TRIM26: variants seen among roughly 807,000 people sequenced by gnomAD.
TRIM26 encodes tripartite motif containing 26.
A neutral mutation model predicts 45.5 loss-of-function variants in TRIM26; 16 were observed. The observed-to-expected ratio is 0.35, with a 90% CI of 0.24 to 0.53. The LOEUF is 0.53. Among genes scored for constraint, TRIM26 ranks in the 20% least tolerant of loss-of-function variants. TRIM26 has a pLI of 0.92. For synonymous variants in TRIM26, 273 were observed against 290.4 expected, an observed-to-expected ratio of 0.94 and a Z score of 0.61; for missense variants, 442 against 691.1, an observed-to-expected ratio of 0.64 and a Z score of 4.04.
chr6:30,189,245 T>C lies in TRIM26; in HGVS notation c.905-46A>G, dbSNP rs746561897. ...CAATGACTCAAGTCCCGAAAATTTA[T>C]GAGCCCATTTCTTGCTCGGGCAGTA... On this transcript the variant is annotated intron_variant, in intron 8 of 9. Coordinates refer to ENST00000454678, the MANE Select transcript of TRIM26 (RefSeq NM_003449.5). This position sits in a 1 kb window ranked among gnomAD's most constrained non-coding sequence, Gnocchi z 5.0. The C allele has an allele frequency of 3.1e-6, 5 of 1,612,784 alleles. No individual in the cohort carries two copies. The highest frequency in any genetic ancestry group is 4.2e-6 in the Non-Finnish European group (5 of 1,179,788).
Position 30,196,830 on chromosome 6 carries a change from G to T in TRIM26, c.535-84C>A. On this transcript the variant is annotated intron_variant, in intron 5 of 9. Coordinates refer to ENST00000454678, the MANE Select transcript of TRIM26 (RefSeq NM_003449.5). The surrounding 1 kb of genome is among the most constrained non-coding windows in gnomAD (Gnocchi z 4.9). Reference sequence around the variant, plus strand: ...TGCTGGAGGTGTGCAAGGCTGGCTCGTTCACCTCGCTACCCCCGTTCAGGA... The same window carrying T: ...TGCTGGAGGTGTGCAAGGCTGGCTCTTTCACCTCGCTACCCCCGTTCAGGA... The T allele has an allele frequency of 7.3e-7, 1 of 1,365,412 alleles. No homozygotes were observed. The highest frequency in any genetic ancestry group is 1.0e-6 in the Non-Finnish European group (1 of 976,826). The allele number at this position is 1,365,412 out of a possible 1,614,324, so 84.6% of individuals were successfully genotyped here. A position where few individuals can be genotyped will look rare whatever the true frequency, so the allele number is the denominator to read the frequency against.
intron 1 of TRIM26, among the ~76,000 whole-genome samples, chr6:30,210,034 G>C (rs1398087865): frequency 6.6e-6 from 1 of 151,558 alleles, no homozygotes; most frequent in Non-Finnish European, 1.5e-5. Context: ...GTGAAACCCA[G>C]CCTCTACTAA....
At chr6:30,201,466 T>C (rs181876223) in intron 2 of TRIM26, among the ~76,000 whole-genome samples, 1 of 152,298 alleles carries the variant, frequency 6.6e-6, no homozygotes, top group East Asian at 1.9e-4. Flanking sequence ...ATCAAGCACC[T>C]TCAAAGCTCA....
chr6:30,187,086 CT>C (rs1562184081), intron 9 of TRIM26: 2 of 289,012 alleles, frequency 6.9e-6, no homozygotes, highest in Admixed American at 5.0e-5. Flanking sequence ...TAATTGGGAT[CT>C]TTTTTGGCTG....
chr6:30,189,840 G>T lies in TRIM26; in HGVS notation c.788+173C>A. 1 of 752,250 alleles carries T rather than the reference G, an allele frequency of 1.3e-6. No homozygotes were observed. Among genetic ancestry groups the T allele is most frequent in the Non-Finnish European group, 2.2e-6 (1 of 457,070 alleles). The allele number at this position is 752,250 out of a possible 1,614,324, so 46.6% of individuals were successfully genotyped here. On this transcript the variant is annotated intron_variant, in intron 7 of 9. Transcript: ENST00000454678. The surrounding 1 kb of genome is among the most constrained non-coding windows in gnomAD (Gnocchi z 5.0). ...CAGAGAACCATAAGGAGGAGAGCAA[G>T]TCTCCAGTTCTCAATGATGTGTCCT...
chr6:30,187,626 A>G (rs913982785), intron 9 of TRIM26: 3 of 336,018 alleles, frequency 8.9e-6, no homozygotes, highest in Non-Finnish European at 1.8e-5. Context: ...CTCCCATGTA[A>G]GAGAAATTTG....
intron 1 of TRIM26, among the ~76,000 whole-genome samples, chr6:30,206,200 G>T (rs1449822217): frequency 6.6e-6 from 1 of 152,210 alleles, no homozygotes; most frequent in East Asian, 1.9e-4. Flanking sequence ...CAGAATTCGG[G>T]GCAAAAAGCA....
In TRIM26 at chr6:30,189,349, C is replaced by G; in HGVS notation, c.904+69G>C. The G allele has an allele frequency of 1.9e-6, 3 of 1,572,474 alleles. No homozygotes were observed. The highest frequency in any genetic ancestry group is 2.2e-5 in the East Asian group (1 of 44,664). Reference sequence around the variant, plus strand: ...GGATCGACAAGGTGATGGAAAGGAGCTGGGTGCGCTCTTTCTACGAGGTAG... The same window carrying G: ...GGATCGACAAGGTGATGGAAAGGAGGTGGGTGCGCTCTTTCTACGAGGTAG... On this transcript the variant is annotated intron_variant, in intron 8 of 9. Transcript: ENST00000454678. This position sits in a 1 kb window ranked among gnomAD's most constrained non-coding sequence, Gnocchi z 5.0.
rs1776704521 is a variant in TRIM26 at position 30,198,299 on chromosome 6, G to A, written c.534+130C>T. ...TGGGCTAAAACCCAGGTCTGCTACT[G>A]CCAGGCTGACACCCATCCTCCCTGT... On this transcript the variant is annotated intron_variant, in intron 5 of 9. Transcript: ENST00000454678. The surrounding 1 kb of genome is among the most constrained non-coding windows in gnomAD (Gnocchi z 6.3). 1 of 955,614 alleles carries A rather than the reference G, an allele frequency of 1.0e-6. No homozygotes were observed. 59.2% of individuals were successfully genotyped at this position (955,614 alleles called of 1,614,324 possible).
Position 30,198,603 on chromosome 6 carries a change from G to A in TRIM26, c.438+63C>T. ...GGGAGACTCAGGCTGAGTCCTCTGAGGACTGCAAGGTGGAGCATCCAGAGA... is the reference window on the plus strand; with the variant it reads ...GGGAGACTCAGGCTGAGTCCTCTGAAGACTGCAAGGTGGAGCATCCAGAGA... On this transcript the variant is annotated intron_variant, in intron 4 of 9. Transcript: ENST00000454678. The surrounding 1 kb of genome is among the most constrained non-coding windows in gnomAD (Gnocchi z 6.3). The A allele has an allele frequency of 6.2e-7, 1 of 1,610,506 alleles. No individual in the cohort carries two copies. Among genetic ancestry groups the A allele is most frequent in the Non-Finnish European group, 8.5e-7 (1 of 1,179,010 alleles).
At chr6:30,193,162 G>GTATGTATATATATATATA in intron 6 of TRIM26, among the ~76,000 whole-genome samples, 1 of 32,006 alleles carries the variant, frequency 3.1e-5, no homozygotes, top group African/African-American at 1.7e-4. Context: ...GTGTGTGTGT[G>GTATGTATATATATATATA]TATATATATA....
At position 30,202,827 on chromosome 6, in the gene TRIM26, T is replaced by G. The variant is rs191032408; in HGVS notation, c.-265-1689A>C. Among the ~76,000 whole-genome samples, 277 of 151,868 alleles carry G rather than the reference T, an allele frequency of 1.8e-3. 13 individuals are homozygous for G. Among genetic ancestry groups the G allele is most frequent in the Admixed American group, 0.017 (253 of 15,248 alleles). ...TGGACATTGCACATGGCAACTGGCC[T>G]AGTCTTTTAAAAAGTCAATGTCATA... On this transcript the variant is annotated intron_variant, in intron 2 of 9. Coordinates refer to ENST00000454678, the MANE Select transcript of TRIM26 (RefSeq NM_003449.5).
At position 30,196,503 on chromosome 6, in the gene TRIM26, G is replaced by A. The variant is rs773023898; in HGVS notation, c.765+13C>T. ...CCTGGTCCCTGGCGCCCTGCCCAGG[G>A]ACGGCCTCTCACCTGCATGAGCTCT... On this transcript the variant is annotated intron_variant, in intron 6 of 9. Coordinates refer to ENST00000454678, the MANE Select transcript of TRIM26 (RefSeq NM_003449.5). The surrounding 1 kb of genome is among the most constrained non-coding windows in gnomAD (Gnocchi z 4.9). 1.9e-6 allele frequency: 3 copies of A among 1,603,064 alleles called. No individual in the cohort carries two copies. The highest frequency in any genetic ancestry group is 4.5e-5 in the East Asian group (2 of 44,824).
chr6:30,198,858 C>T lies in TRIM26; in HGVS notation c.246G>A (p.Lys82=). 1 of 1,612,976 alleles carries T rather than the reference C, an allele frequency of 6.2e-7. No individual in the cohort carries two copies. The highest frequency in any genetic ancestry group is 8.5e-7 in the Non-Finnish European group (1 of 1,180,004). ...ASLVENIERL[K]VDKGRQPGEV... Reference sequence around the variant, plus strand: ...CTCCCGGCTGCCTGCCCTTGTCCACCTTCAGCCGCTCAATGTTCTCCACCA... The same window carrying T: ...CTCCCGGCTGCCTGCCCTTGTCCACTTTCAGCCGCTCAATGTTCTCCACCA... Residue 82 remains lysine, a synonymous_variant, in exon 4 of 10, where the codon AAG becomes AAA. Coordinates refer to ENST00000454678, the MANE Select transcript of TRIM26 (RefSeq NM_003449.5). The surrounding 1 kb of genome is among the most constrained non-coding windows in gnomAD (Gnocchi z 6.3).
chr6:30,211,821 C>A (rs1778316029), intron 1 of TRIM26, among the ~76,000 whole-genome samples: 1 of 150,042 alleles, frequency 6.7e-6, no homozygotes, highest in South Asian at 2.1e-4. Flanking sequence ...TGAGTCTACA[C>A]TGAAATTAAT....
chr6:30,200,184 T>A lies in TRIM26; in HGVS notation c.-162+851A>T, dbSNP rs1266780997. On this transcript the variant is annotated intron_variant, in intron 3 of 9. Coordinates refer to ENST00000454678, the MANE Select transcript of TRIM26 (RefSeq NM_003449.5). ...GTAGTCTCAGCTACTGAGGAGGCTG[T>A]GGCAGAAGGATTACTTGAATCTGGG... Among the ~76,000 whole-genome samples, 3 of 152,280 alleles carry A rather than the reference T, an allele frequency of 2.0e-5. No individual in the cohort carries two copies. In the East Asian group the frequency reaches 5.8e-4, roughly 29 times the overall value.
chr6:30,185,924 G>A lies in TRIM26; in HGVS notation c.1572C>T (p.Pro524=). ...TTCCTGGCCACTTGAGCCACAGGAA[G>A]GGGACCAGGCGCCGGGTGAAGGTGG... ...FTATFTRRLV[P]FLWLKWPGTR... The change falls in exon 10 of 10, where the codon CCC becomes CCT. Residue 524 remains proline (P), a synonymous_variant. Transcript: ENST00000454678. This position sits in a 1 kb window ranked among gnomAD's most constrained non-coding sequence, Gnocchi z 5.7. 6.2e-7 allele frequency: 1 copy of A among 1,613,070 alleles called. No individual in the cohort carries two copies. The highest frequency in any genetic ancestry group is 8.5e-7 in the Non-Finnish European group (1 of 1,180,018).
chr6:30,196,467 G>A lies in TRIM26; in HGVS notation c.765+49C>T. 1.3e-6 allele frequency: 2 copies of A among 1,570,798 alleles called. No individual in the cohort carries two copies. Among genetic ancestry groups the A allele is most frequent in the Non-Finnish European group, 1.7e-6 (2 of 1,156,288 alleles). ...GTCCTGCAAGTGAATGGCAGGGCTG[G>A]GACCCACCGTCCTGGTCCCTGGCGC... On this transcript the variant is annotated intron_variant, in intron 6 of 9. Transcript: ENST00000454678. The surrounding 1 kb of genome is among the most constrained non-coding windows in gnomAD (Gnocchi z 4.9).
chr6:30,193,078 G>C (rs12194200), intron 6 of TRIM26, among the ~76,000 whole-genome samples: 1 of 90,834 alleles, frequency 1.1e-5, no homozygotes. Flanking sequence ...ATATATATAT[G>C]TATATATACA....
Sources: allele counts gnomAD v4.1 joint callset (sites outside exome capture counted in the v4.1 genomes callset), GRCh38; gene constraint gnomAD v4.1.1; non-coding constraint Gnocchi (gnomAD v3.1); transcripts MANE v1.5; gene names NCBI Gene and HGNC (gene_info 2026-07-23, HGNC 2026-07-21).